The following MSI2 variants were observed in gnomAD, a reference collection of about 807,000 sequenced individuals.
MSI2 encodes the protein RNA-binding protein Musashi homolog 2.
A neutral mutation model predicts 45.6 loss-of-function variants in MSI2; 17 were observed. The observed-to-expected ratio is 0.37, with a 90% CI of 0.26 to 0.56. The LOEUF (loss-of-function observed/expected upper bound fraction) is 0.56. MSI2 is among the 20% of genes least tolerant of loss of function. MSI2 has a pLI of 0.77. For missense variants in MSI2, 293 were observed against 444.2 expected (o/e 0.66, Z 3.06); for synonymous variants, 156 against 158.2 (o/e 0.99, Z 0.11).
At chr17:57,608,734 C>A (rs1400230368) in intron 8 of MSI2, among the ~76,000 whole-genome samples, 1 of 152,200 alleles carries the variant, frequency 6.6e-6, no homozygotes, top group Non-Finnish European at 1.5e-5. Context: ...TGACTCAGGG[C>A]CAGGTGCCGT....
chr17:57,574,512 A>G (rs1330486067), intron 7 of MSI2, among the ~76,000 whole-genome samples: 1 of 152,162 alleles, frequency 6.6e-6, no homozygotes, highest in Non-Finnish European at 1.5e-5. Flanking sequence ...CAAGGATGCA[A>G]TTCTGGGTCC....
At chr17:57,555,032 T>C (rs2087399302) in intron 7 of MSI2, among the ~76,000 whole-genome samples, 1 of 152,216 alleles carries the variant, frequency 6.6e-6, no homozygotes, top group African/African-American at 2.4e-5. Flanking sequence ...CTTGGAAAGA[T>C]TTCTGCTTCC....
intron 10 of MSI2, chr17:57,632,485 T>C: frequency 9.4e-7 from 1 of 1,066,170 alleles, no homozygotes; most frequent in Non-Finnish European, 1.1e-6. Flanking sequence ...ACAGGCACGG[T>C]GGGCACCGAT....
At chr17:57,578,060 T>C (rs1432502782) in intron 7 of MSI2, among the ~76,000 whole-genome samples, 1 of 152,214 alleles carries the variant, frequency 6.6e-6, no homozygotes, top group African/African-American at 2.4e-5. Context: ...ATTGTGAAAC[T>C]CCAATCTGTC....
chr17:57,643,964 G>A (rs762784570), intron 10 of MSI2, among the ~76,000 whole-genome samples: 3 of 152,136 alleles, frequency 2.0e-5, no homozygotes, highest in Non-Finnish European at 2.9e-5. Flanking sequence ...GCCCCTCTCC[G>A]GAGGGACAGA....
chr17:57,679,176 AG>A (rs1425830892), intron 13 of MSI2, among the ~76,000 whole-genome samples: 1 of 152,238 alleles, frequency 6.6e-6, no homozygotes, highest in Non-Finnish European at 1.5e-5. Context: ...CTTTGAAAAC[AG>A]AAGTTTAAAC....
intron 5 of MSI2, among the ~76,000 whole-genome samples, chr17:57,316,610 G>T (rs1262656257): frequency 6.6e-6 from 1 of 152,228 alleles, no homozygotes; most frequent in Non-Finnish European, 1.5e-5. Context: ...ACAGGCGTGA[G>T]CCGCTGCTCC....
At chr17:57,278,834 C>T (rs1909136086) in intron 5 of MSI2, 1 of 152,324 alleles carries the variant, frequency 6.6e-6, no homozygotes. Flanking sequence ...ATGATGCTGT[C>T]CCTCCTGATG....
chr17:57,265,666 T>C (rs1321235664), intron 5 of MSI2: 1 of 152,186 alleles, frequency 6.6e-6, no homozygotes, highest in Non-Finnish European at 1.5e-5. Context: ...CTAGAGGCTG[T>C]TAATTAGTGA....
intron 6 of MSI2, among the ~76,000 whole-genome samples, chr17:57,511,489 C>T (rs1164571265): frequency 1.3e-5 from 2 of 152,168 alleles, no homozygotes; most frequent in Admixed American, 6.5e-5. Flanking sequence ...CCTCGGCTTT[C>T]GAGACCATCT....
intron 5 of MSI2, among the ~76,000 whole-genome samples, chr17:57,385,843 C>G (rs893243864): frequency 2.6e-5 from 4 of 152,156 alleles, no homozygotes; most frequent in Admixed American, 1.3e-4. Context: ...CTTCAGGTAA[C>G]CATTTTATTA....
chr17:57,309,295 G>A (rs890194633), intron 5 of MSI2, among the ~76,000 whole-genome samples: 3 of 152,190 alleles, frequency 2.0e-5, no homozygotes, highest in African/African-American at 7.2e-5. Context: ...TTACCCATGA[G>A]CTGGAAGCTG....
At chr17:57,603,294 G>A (rs1209708257) in intron 8 of MSI2, among the ~76,000 whole-genome samples, 2 of 152,194 alleles carry the variant, frequency 1.3e-5, no homozygotes, top group South Asian at 2.1e-4. Flanking sequence ...TAAAGGGCTC[G>A]ATTCTCCTGA....
chr17:57,689,785 G>T, the MSI2 span, among the ~76,000 whole-genome samples: 13 of 152,264 alleles, frequency 8.5e-5, no homozygotes, highest in Admixed American at 4.6e-4. Flanking sequence ...AATCAAACAG[G>T]ATGGATTCTT....
At chr17:57,663,099 G>A (rs1912110031) in intron 11 of MSI2, among the ~76,000 whole-genome samples, 1 of 152,158 alleles carries the variant, frequency 6.6e-6, no homozygotes, top group Non-Finnish European at 1.5e-5. Flanking sequence ...TCGCTGGGAA[G>A]CCCCGCCCGG....
chr17:57,576,974 T>C (rs1348591226), intron 7 of MSI2, among the ~76,000 whole-genome samples: 1 of 152,118 alleles, frequency 6.6e-6, no homozygotes, highest in Non-Finnish European at 1.5e-5. Flanking sequence ...TCAGACCCCA[T>C]GTGGAATATT....
chr17:57,599,509 A>G (rs981350656), intron 8 of MSI2, among the ~76,000 whole-genome samples: 30 of 152,204 alleles, frequency 2.0e-4, no homozygotes, highest in Admixed American at 3.3e-4. Flanking sequence ...TTCCTGTTTC[A>G]TATTTATCGC....
chr17:57,587,738 A>T (rs1904435638), intron 7 of MSI2, among the ~76,000 whole-genome samples: 1 of 152,188 alleles, frequency 6.6e-6, no homozygotes, highest in Non-Finnish European at 1.5e-5. Context: ...CAGGTCTGCA[A>T]GGCAGGAAGA....
chr17:57,614,196 G>T (rs1026268873), intron 8 of MSI2, among the ~76,000 whole-genome samples: 3 of 152,080 alleles, frequency 2.0e-5, no homozygotes, highest in African/African-American at 7.2e-5. Context: ...GATTACAGGA[G>T]CATGCCACCA....
Sources: gnomAD v4.1 joint callset for allele counts (sites outside exome capture counted in the v4.1 genomes callset) on GRCh38, gnomAD v4.1.1 for gene constraint, MANE v1.5 for transcripts, NCBI Gene and HGNC (gene_info 2026-07-23, HGNC 2026-07-21) for gene names.